Variants in NDRG1 observed in about 807,000 individuals in gnomAD.
NDRG1 encodes the protein N-myc downstream regulated 1.
In NDRG1, 32 loss-of-function variants were observed where a neutral mutation model predicts 56.9. That is an observed-to-expected ratio of 0.56 (90% CI 0.42 to 0.76). The LOEUF is 0.76. NDRG1 is among the 30% of genes least tolerant of loss of function. NDRG1 has a pLI of 0.00. For synonymous variants in NDRG1, 211 were observed against 204.1 expected (o/e 1.03, Z -0.29); for missense variants, 507 against 545.7 (o/e 0.93, Z 0.71).
chr8:133,238,908 GGCGCTGTTCCCA>G lies in NDRG1; in HGVS notation c.1143_1154del (p.Asn383_Gly386del). 6.4e-7 allele frequency: 1 copy of G among 1,558,572 alleles called. No homozygotes were observed. Among genetic ancestry groups the G allele is most frequent in the Middle Eastern group, 1.8e-4 (1 of 5,668 alleles). ...AGGAGACCTCCATGGACTTGGGCCC[GGCGCTGTTCCCA>G]GCAGCACCCGAGTTGGGGGTGATGT... On this transcript the variant is annotated inframe_deletion, in exon 16 of 16. Coordinates refer to ENST00000323851, the MANE Select transcript of NDRG1 (RefSeq NM_006096.4).
chr8:133,260,179 G>T (rs1856591707), intron 5 of NDRG1, among the ~76,000 whole-genome samples: 1 of 152,190 alleles, frequency 6.6e-6, no homozygotes. Context: ...CCCCAGGGCT[G>T]GTGTGAGGCG....
At chr8:133,276,068 C>T (rs1252447657) in intron 3 of NDRG1, among the ~76,000 whole-genome samples, 2 of 152,204 alleles carry the variant, frequency 1.3e-5, no homozygotes, top group African/African-American at 4.8e-5. Flanking sequence ...CCTCATAGGA[C>T]AGCTTGGGGA....
Position 133,238,794 on chromosome 8 carries a change from T to C in NDRG1, c.*84A>G. 3 of 1,433,200 alleles carry C rather than the reference T, an allele frequency of 2.1e-6. No homozygotes were observed. Among genetic ancestry groups the C allele is most frequent in the Non-Finnish European group, 2.8e-6 (3 of 1,070,074 alleles). 88.8% of individuals were successfully genotyped at this position (1,433,200 alleles called of 1,614,324 possible). On this transcript the variant is annotated 3_prime_UTR_variant, in exon 16 of 16. Transcript: ENST00000323851. ...GATTAATACCGAGTTAGGCGCAGTA[T>C]GGCAGGCAGGGGGCGAAAAGGGGCC... is the stretch of plus-strand genomic sequence containing the variant.
At chr8:133,287,322 T>A (rs1858176715) in intron 1 of NDRG1, among the ~76,000 whole-genome samples, 5 of 152,032 alleles carry the variant, frequency 3.3e-5, no homozygotes, top group Admixed American at 3.3e-4. Context: ...TCAAAGAACA[T>A]CTGAGTTCAC....
intron 1 of NDRG1, among the ~76,000 whole-genome samples, chr8:133,294,288 T>C (rs113972411): frequency 0.014 from 2,105 of 152,228 alleles, 27 homozygotes; most frequent in Non-Finnish European, 0.023. Context: ...CTGGCCTCAG[T>C]TGCCTCATCC....
chr8:133,239,148 G>C, intron 15 of NDRG1, 29 bp from the exon 16 acceptor site: 1 of 1,550,566 alleles, frequency 6.4e-7, no homozygotes, highest in Non-Finnish European at 8.7e-7. Context: ...GCCGGTTAGA[G>C]GGCAGGAGAC....
At chr8:133,257,018 T>G (rs1030589756) in intron 7 of NDRG1, among the ~76,000 whole-genome samples, 155 bp from the exon 8 acceptor site, 3 of 152,016 alleles carry the variant, frequency 2.0e-5, no homozygotes, top group Admixed American at 6.5e-5. Context: ...CATGCAAAAC[T>G]GAGGTTCCAG....
In NDRG1 at chr8:133,238,842, A is replaced by T; in HGVS notation, c.*36T>A. The T allele has an allele frequency of 1.9e-6, 3 of 1,541,074 alleles. No individual in the cohort carries two copies. Among genetic ancestry groups the T allele is most frequent in the Non-Finnish European group, 2.6e-6 (3 of 1,146,746 alleles). ...GCCGGGGAGGAGGGGGCCACTACAGAGATCAGAGTCCGGGGGCGGCAGCTG... is the reference window on the plus strand; with the variant it reads ...GCCGGGGAGGAGGGGGCCACTACAGTGATCAGAGTCCGGGGGCGGCAGCTG... On this transcript the variant is annotated 3_prime_UTR_variant, in exon 16 of 16. Transcript: ENST00000323851.
rs553118729 is a variant in NDRG1 at position 133,279,457 on chromosome 8, A to G, written c.99+775T>C. Among the ~76,000 whole-genome samples the G allele has an allele frequency of 6.1e-4, 93 of 152,328 alleles. 2 individuals are homozygous for G. Among genetic ancestry groups the G allele is most frequent in the African/African-American group, 2.0e-3 (84 of 41,570 alleles). On this transcript the variant is annotated intron_variant, in intron 3 of 15. Transcript: ENST00000323851. ...GGTAAGGAGGTAGAATAGAGGAGTG[A>G]GATGCAGAGTGCAGAATGGGTCCCA...
intron 1 of NDRG1, among the ~76,000 whole-genome samples, chr8:133,295,075 A>C (rs937246267): frequency 1.3e-5 from 2 of 152,210 alleles, no homozygotes; most frequent in East Asian, 3.9e-4. Flanking sequence ...AAATGATCAA[A>C]CTTTGTTGCT....
chr8:133,241,772 T>C (rs1394241571), intron 15 of NDRG1: 2 of 590,090 alleles, frequency 3.4e-6, no homozygotes, highest in Admixed American at 5.9e-5. Context: ...AGTCCTCATC[T>C]AAACCCCCCA....
intron 8 of NDRG1, 129 bp downstream of exon 8, chr8:133,256,648 G>A (rs1856387487): frequency 1.2e-6 from 1 of 825,672 alleles, no homozygotes; most frequent in African/African-American, 1.7e-5. Context: ...ACTGGAGTGG[G>A]CAGTAGAGGG....
chr8:133,246,862 A>G (rs948684237), intron 12 of NDRG1, among the ~76,000 whole-genome samples, 199 bp from the exon 13 acceptor site: 1 of 152,238 alleles, frequency 6.6e-6, no homozygotes, highest in African/African-American at 2.4e-5. Context: ...GACAACTTGG[A>G]TAAGTGATTT....
At chr8:133,271,892 A>T (rs1857210796) in intron 3 of NDRG1, among the ~76,000 whole-genome samples, 1 of 150,240 alleles carries the variant, frequency 6.7e-6, no homozygotes, top group Admixed American at 6.7e-5. Context: ...ACAGCCACCC[A>T]CTTACTGAGC....
In NDRG1 at chr8:133,262,067, G is replaced by A. The variant is rs2233322; in HGVS notation, c.306C>T (p.Gly102=). The part of the protein sequence containing the change: ...CHVDAPGQQD[G]AASFPAGYMY... The stretch of plus-strand genomic sequence containing the variant: ...CTCACCCTGCGGGGAAGGAGGCTGC[G>A]CCGTCCTGCTGGCCAGGGGCGTCCA... Residue 102 remains glycine, a synonymous_variant, in exon 5 of 16, where the codon GGC becomes GGT. Coordinates refer to ENST00000323851, the MANE Select transcript of NDRG1 (RefSeq NM_006096.4). The A allele has an allele frequency of 2.2e-3, 3,564 of 1,613,614 alleles. 71 individuals are homozygous for A. The African/African-American group carries it at 0.041, about 19-fold the overall frequency.
At chr8:133,240,470 A>G (rs550025217) in intron 15 of NDRG1, 16 of 152,352 alleles carry the variant, frequency 1.1e-4, no homozygotes, top group African/African-American at 3.1e-4. Flanking sequence ...CGCAGCTCAC[A>G]TATTTCTCTG....
At chr8:133,269,929 T>G (rs1335476028) in intron 3 of NDRG1, among the ~76,000 whole-genome samples, 1 of 152,244 alleles carries the variant, frequency 6.6e-6, no homozygotes, top group African/African-American at 2.4e-5. Flanking sequence ...CGCATGTGTG[T>G]CTTTGTGAGG....
chr8:133,238,924 G>A lies in NDRG1; in HGVS notation c.1139C>T (p.Ala380Val). Residue 380 changes from alanine to valine, a missense_variant, in exon 16 of 16, where the codon GCT (alanine) becomes GTT (valine). Ala to Val is a moderately conservative substitution (Grantham distance 64). Transcript: ENST00000323851. Reference protein sequence around the residue: ...AHLDITPNSGAAGNSAGPKSM... With the variant: ...AHLDITPNSGVAGNSAGPKSM... The stretch of plus-strand genomic sequence containing the variant: ...CTTGGGCCCGGCGCTGTTCCCAGCA[G>A]CACCCGAGTTGGGGGTGATGTCCAG... 4 of 1,564,148 alleles carry A rather than the reference G, an allele frequency of 2.6e-6. No individual in the cohort carries two copies. The highest frequency in any genetic ancestry group is 3.5e-6 in the Non-Finnish European group (4 of 1,154,802).
chr8:133,248,739 G>A lies in NDRG1; in HGVS notation c.731C>T (p.Pro244Leu), dbSNP rs748984505. The A allele has an allele frequency of 2.0e-5, 32 of 1,614,070 alleles. No individual in the cohort carries two copies. In the Middle Eastern group the frequency reaches 4.9e-4, roughly 25 times the overall value. The change falls in exon 11 of 16, where the codon CCG (proline) becomes CTG (leucine). Residue 244 changes from proline (P) to leucine (L), a missense_variant. By Grantham distance (98) the Pro-to-Leu change is moderately conservative. Transcript: ENST00000323851. Reference protein sequence around the residue: ...RRDLEIERPMPGTHTVTLQCP... With the variant: ...RRDLEIERPMLGTHTVTLQCP... ...CTGCAGGGTGACTGTGTGGGTTCCC[G>A]GCATTGGTCGCTCAATCTCCAGGTC...
Sources: gnomAD v4.1 joint callset for allele counts (sites outside exome capture counted in the v4.1 genomes callset) on GRCh38, gnomAD v4.1.1 for gene constraint, MANE v1.5 for transcripts, NCBI Gene and HGNC (gene_info 2026-07-23, HGNC 2026-07-21) for gene names.